The following LAMA1 variants were observed in gnomAD, a reference collection of about 807,000 sequenced individuals.
LAMA1 encodes laminin subunit alpha-1.
LAMA1 carries 219 observed loss-of-function variants against 348.7 expected under a neutral mutation model. The ratio of observed to expected loss-of-function variants is 0.63; its 90% CI spans 0.56 to 0.70. LAMA1 has a LOEUF of 0.70. Ranked by LOEUF, LAMA1 falls within the 30% of genes least tolerant of loss-of-function variation. The pLI, the probability that LAMA1 is intolerant of heterozygous loss-of-function variation, is 0.00. For synonymous variants in LAMA1, 1,487 were observed against 1,491.0 expected, an observed-to-expected ratio of 1.00 and a Z score of 0.06; for missense variants, 3,744 against 3,888.0, an observed-to-expected ratio of 0.96 and a Z score of 0.99.
chr18:7,099,171 C>T (rs1447097508), intron 1 of LAMA1, among the ~76,000 whole-genome samples: 1 of 151,340 alleles, frequency 6.6e-6, no homozygotes, highest in Non-Finnish European at 1.5e-5. Flanking sequence ...ACCTTACCCC[C>T]AACCCTGTGC....
intron 31 of LAMA1, 53 bp downstream of exon 31, chr18:6,999,858 T>C: frequency 6.6e-7 from 1 of 1,512,624 alleles, no homozygotes; most frequent in African/African-American, 1.4e-5. Flanking sequence ...CCCAATACCT[T>C]ATAAAAGAAA....
At chr18:6,992,176 T>C (rs1373557437) in intron 36 of LAMA1, among the ~76,000 whole-genome samples, 4 of 152,358 alleles carry the variant, frequency 2.6e-5, no homozygotes, top group Non-Finnish European at 4.4e-5. Context: ...TGGCATAACA[T>C]TGACCTGTCT....
chr18:6,966,063 T>C (rs55995200), intron 49 of LAMA1, 84 bp downstream of exon 49: 2 of 1,444,956 alleles, frequency 1.4e-6, no homozygotes, highest in Non-Finnish European at 1.9e-6. Context: ...ATTTAATTAG[T>C]AAATCCTCAT....
intron 1 of LAMA1, among the ~76,000 whole-genome samples, chr18:7,106,705 G>A (rs774204670): frequency 1.4e-4 from 21 of 151,828 alleles, no homozygotes; most frequent in African/African-American, 4.1e-4. Context: ...ACCCCAGACC[G>A]GACACACTAT....
intron 46 of LAMA1, 62 bp from the exon 47 acceptor site, chr18:6,973,269 C>G: frequency 3.3e-6 from 5 of 1,505,968 alleles, no homozygotes; most frequent in Non-Finnish European, 4.6e-6. Flanking sequence ...CACATACAAT[C>G]CCGTTTCCTT....
At chr18:7,007,450 C>T (rs1437884875) in intron 28 of LAMA1, among the ~76,000 whole-genome samples, 174 bp from the exon 29 acceptor site, 1 of 149,618 alleles carries the variant, frequency 6.7e-6, no homozygotes, top group Non-Finnish European at 1.5e-5. Context: ...CCACCGCACA[C>T]CTGTTAGGGT....
intron 3 of LAMA1, among the ~76,000 whole-genome samples, chr18:7,060,398 A>C (rs973307641): frequency 1.3e-5 from 2 of 152,222 alleles, no homozygotes; most frequent in Non-Finnish European, 2.9e-5. Flanking sequence ...AATTAAAACA[A>C]AACAAAATAT....
chr18:7,098,564 A>G (rs1254784302), intron 1 of LAMA1, among the ~76,000 whole-genome samples: 7 of 140,394 alleles, frequency 5.0e-5, no homozygotes, highest in Non-Finnish European at 1.1e-4. Context: ...GGTGAGGAGC[A>G]TCTCTGCCCG....
At chr18:6,997,580 C>T (rs752196486) in intron 33 of LAMA1, among the ~76,000 whole-genome samples, 162 bp downstream of exon 33, 1 of 152,096 alleles carries the variant, frequency 6.6e-6, no homozygotes, top group African/African-American at 2.4e-5. Flanking sequence ...GTGCCTGTCA[C>T]TGGTCACAGT....
chr18:7,036,684 C>A (rs663272), intron 12 of LAMA1, among the ~76,000 whole-genome samples: 30,341 of 151,740 alleles, frequency 0.2, 4,172 homozygotes, highest in African/African-American at 0.39. Context: ...AAAATCATAT[C>A]AATAGAGCAC....
At position 7,032,077 on chromosome 18, in the gene LAMA1, C is replaced by T. The variant is rs1266955784; in HGVS notation, c.2263G>A (p.Gly755Ser). Reference protein sequence around the residue: ...HGHAAECNVHGVCIACAHNTT... With the variant: ...HGHAAECNVHSVCIACAHNTT... The stretch of plus-strand genomic sequence containing the variant: ...AGTGAGAGACTCACAATGCAAACGC[C>T]GTGAACATTACACTCAGCTGCATGG... Residue 755 changes from glycine to serine, a missense_variant, in exon 16 of 63, where the codon GGC (glycine) becomes AGC (serine). Gly to Ser is a moderately conservative substitution (Grantham distance 56). This residue lies in a region of LAMA1 where 1,529 missense variants were observed against 1,689.4 expected (regional missense o/e 0.91). Coordinates refer to ENST00000389658, the MANE Select transcript of LAMA1 (RefSeq NM_005559.4). 9 of 1,613,818 alleles carry T rather than the reference C, an allele frequency of 5.6e-6. No homozygotes were observed. The highest frequency in any genetic ancestry group is 1.7e-5 in the Admixed American group (1 of 59,998).
At chr18:7,104,199 G>C (rs1039506150) in intron 1 of LAMA1, among the ~76,000 whole-genome samples, 23 of 152,066 alleles carry the variant, frequency 1.5e-4, no homozygotes, top group African/African-American at 5.6e-4. Context: ...GGCTGGTCTT[G>C]AACTCCTGAC....
rs1018690941 is a variant in LAMA1, at chr18:6,964,919, G to A, written c.7196-116C>T. Reference sequence around the variant, plus strand: ...ACAAATGCATATTCTTTTAGATTCTGCGAATTTGATCAGCTAATGTTCTTG... The same window carrying A: ...ACAAATGCATATTCTTTTAGATTCTACGAATTTGATCAGCTAATGTTCTTG... On this transcript the variant is annotated intron_variant, in intron 50 of 62. Transcript: ENST00000389658. The A allele has an allele frequency of 5.0e-6, 6 of 1,202,136 alleles. No individual in the cohort carries two copies. The African/African-American group carries it at 7.5e-5, about 15-fold the overall frequency. The allele number at this position is 1,202,136 out of a possible 1,614,324, so 74.5% of individuals were successfully genotyped here.
At chr18:6,971,759 C>T (rs2057659228) in intron 48 of LAMA1, 98 bp downstream of exon 48, 1 of 1,544,688 alleles carries the variant, frequency 6.5e-7, no homozygotes, top group Non-Finnish European at 8.9e-7. Flanking sequence ...ATATCACAAA[C>T]TCTATTCCTT....
At chr18:6,947,423 C>G in intron 60 of LAMA1, 127 bp from the exon 61 acceptor site, 1 of 1,089,696 alleles carries the variant, frequency 9.2e-7, no homozygotes, top group Non-Finnish European at 1.4e-6. Context: ...TGCATCCCCA[C>G]CAGCAGGTCA....
intron 29 of LAMA1, among the ~76,000 whole-genome samples, chr18:7,003,763 G>A (rs1171949298): frequency 1.3e-5 from 2 of 152,182 alleles, no homozygotes; most frequent in Non-Finnish European, 2.9e-5. Context: ...ATCCTTGGCA[G>A]TGAGAGGTGA....
chr18:7,016,007 C>G (rs753844152), intron 21 of LAMA1, 149 bp from the exon 22 acceptor site: 15 of 895,700 alleles, frequency 1.7e-5, no homozygotes, highest in Non-Finnish European at 2.5e-5. Context: ...CCCTCCATGT[C>G]TCATGGAGGT....
intron 3 of LAMA1, among the ~76,000 whole-genome samples, chr18:7,067,289 A>G (rs1481269352): frequency 6.6e-6 from 1 of 151,266 alleles, no homozygotes; most frequent in Non-Finnish European, 1.5e-5. Flanking sequence ...GGATAAATAA[A>G]TGTTGCTATA....
intron 51 of LAMA1, among the ~76,000 whole-genome samples, chr18:6,963,650 T>C (rs1037935237): frequency 1.3e-5 from 2 of 152,220 alleles, no homozygotes; most frequent in Non-Finnish European, 2.9e-5. Context: ...CTGCTACAAA[T>C]GGACATTTGC....
Sources: allele counts gnomAD v4.1 joint callset (sites outside exome capture counted in the v4.1 genomes callset), GRCh38; gene constraint gnomAD v4.1.1; regional missense constraint gnomAD v4.1.1; transcripts MANE v1.5; gene names NCBI Gene and HGNC (gene_info 2026-07-23, HGNC 2026-07-21).